OR9Q1: variants seen among roughly 807,000 people sequenced by gnomAD.
The protein encoded by OR9Q1 is olfactory receptor 9Q1.
For synonymous variants in OR9Q1, 153 were observed against 148.6 expected (o/e 1.03, Z -0.22); for missense variants, 374 against 378.8 (o/e 0.99, Z 0.11).
At chr11:58,026,440 G>A (rs1412297772) in intron 1 of OR9Q1, among the ~76,000 whole-genome samples, 1 of 152,050 alleles carries the variant, frequency 6.6e-6, no homozygotes, top group African/African-American at 2.4e-5. Flanking sequence ...CCAGCACTGT[G>A]GGAGGTCGAG....
Position 58,056,984 on chromosome 11 carries a change from C to T in OR9Q1, c.-15+1037C>T, listed in dbSNP as rs1289278220. Among the ~76,000 whole-genome samples, 4 of 125,228 alleles carry T rather than the reference C, an allele frequency of 3.2e-5. No homozygotes were observed. The South Asian group carries it at 1.0e-3, about 32-fold the overall frequency. The allele number at this position is 125,228 out of a possible 152,430, so 82.2% of individuals were successfully genotyped here. ...CTAAGGCTTCCATGGTTATACAATT[C>T]AGGTTTTTTTTTTTTTTTTTTTTTT... is the stretch of plus-strand genomic sequence containing the variant. On this transcript the variant is annotated intron_variant, in intron 2 of 2. Coordinates refer to ENST00000335397, the MANE Select transcript of OR9Q1 (RefSeq NM_001005212.4).
intron 2 of OR9Q1, among the ~76,000 whole-genome samples, chr11:58,062,882 G>T (rs1262628441): frequency 6.6e-6 from 1 of 152,142 alleles, no homozygotes. Context: ...GAGGCTTGAG[G>T]CTGCGTTGTT....
At chr11:58,135,136 C>T (rs1854177916) in intron 2 of OR9Q1, among the ~76,000 whole-genome samples, 1 of 152,184 alleles carries the variant, frequency 6.6e-6, no homozygotes, top group Non-Finnish European at 1.5e-5. Flanking sequence ...ATTGACCCTG[C>T]TGTGATAGAG....
intron 2 of OR9Q1, among the ~76,000 whole-genome samples, chr11:58,096,310 A>G (rs1007610764): frequency 6.6e-6 from 1 of 152,168 alleles, no homozygotes; most frequent in African/African-American, 2.4e-5. Flanking sequence ...TATCACCACC[A>G]CACAGATCAA....
intron 2 of OR9Q1, among the ~76,000 whole-genome samples, chr11:58,112,342 ATTACT>A (rs1187757038): frequency 6.6e-6 from 1 of 152,166 alleles, no homozygotes. Context: ...CGCTTAGAAG[ATTACT>A]TTAAGTGATT....
At chr11:58,029,999 G>A (rs10792126) in intron 1 of OR9Q1, among the ~76,000 whole-genome samples, 39,579 of 151,810 alleles carry the variant, frequency 0.26, 5,711 homozygotes, top group East Asian at 0.6. Context: ...CCACCACCAC[G>A]CTGGGCTAAC....
intron 2 of OR9Q1, among the ~76,000 whole-genome samples, chr11:58,069,666 G>T (rs912036877): frequency 6.6e-6 from 1 of 152,098 alleles, no homozygotes; most frequent in Non-Finnish European, 1.5e-5. Context: ...TTGAGCCCAG[G>T]AGTTTGAGAC....
chr11:58,066,974 G>A (rs746509085), intron 2 of OR9Q1, among the ~76,000 whole-genome samples: 1 of 152,158 alleles, frequency 6.6e-6, no homozygotes, highest in Non-Finnish European at 1.5e-5. Context: ...TCCACAGTGG[G>A]GCACAGGCTA....
At chr11:58,135,017 A>G (rs1416895656) in intron 2 of OR9Q1, among the ~76,000 whole-genome samples, 3 of 152,158 alleles carry the variant, frequency 2.0e-5, no homozygotes, top group Non-Finnish European at 2.9e-5. Flanking sequence ...TGAACACTCA[A>G]TATGTCACCT....
At chr11:58,024,931 C>T (rs1407614860) in intron 1 of OR9Q1, among the ~76,000 whole-genome samples, 1 of 152,076 alleles carries the variant, frequency 6.6e-6, no homozygotes, top group Non-Finnish European at 1.5e-5. Context: ...GAAAATGGCA[C>T]GGTGTGGAGG....
chr11:58,159,107 T>A (rs181221354), intron 2 of OR9Q1, among the ~76,000 whole-genome samples: 4 of 152,282 alleles, frequency 2.6e-5, no homozygotes, highest in Admixed American at 2.6e-4. Flanking sequence ...AAATCAGATG[T>A]ATCAGGACTA....
chr11:58,139,431 C>A (rs552515430), intron 2 of OR9Q1, among the ~76,000 whole-genome samples: 4 of 152,094 alleles, frequency 2.6e-5, no homozygotes, highest in Admixed American at 2.0e-4. Context: ...TATCCCTCCC[C>A]GCTCCCCCCA....
rs1383243887 is a variant in OR9Q1, at chr11:58,133,385, A to C, written c.-14-46046A>C. Among the ~76,000 whole-genome samples the C allele has an allele frequency of 3.0e-4, 45 of 152,200 alleles. 1 individual carries two copies. Among genetic ancestry groups the C allele is most frequent in the Admixed American group, 2.9e-3 (45 of 15,272 alleles). On this transcript the variant is annotated intron_variant, in intron 2 of 2. Transcript: ENST00000335397. Reference sequence around the variant, plus strand: ...GCATAAGGGGAGATGGTGTAACCAGAGTCCAGGCTCTCTGTGCCACAGACA... The same window carrying C: ...GCATAAGGGGAGATGGTGTAACCAGCGTCCAGGCTCTCTGTGCCACAGACA...
intron 2 of OR9Q1, among the ~76,000 whole-genome samples, chr11:58,128,528 T>C (rs1222799080): frequency 6.6e-6 from 1 of 152,152 alleles, no homozygotes; most frequent in Admixed American, 6.5e-5. Context: ...GTTTGAACAG[T>C]ATCTCACAGC....
chr11:58,092,206 T>C (rs533828018), intron 2 of OR9Q1, among the ~76,000 whole-genome samples: 20 of 152,178 alleles, frequency 1.3e-4, no homozygotes, highest in Non-Finnish European at 2.1e-4. Context: ...GCTGGTTATT[T>C]TGCACATTAG....
intron 2 of OR9Q1, among the ~76,000 whole-genome samples, chr11:58,175,105 CAAA>C (rs57623932): frequency 8.1e-4 from 56 of 69,288 alleles, no homozygotes; most frequent in Non-Finnish European, 1.1e-3. Flanking sequence ...GACTCTGTCT[CAAA>C]AAAAAAAAAA....
intron 2 of OR9Q1, among the ~76,000 whole-genome samples, chr11:58,084,970 G>C (rs1853620914): frequency 6.6e-6 from 1 of 151,668 alleles, no homozygotes; most frequent in Non-Finnish European, 1.5e-5. Flanking sequence ...AGAGGTAAAA[G>C]GCATCCAAAC....
At chr11:58,134,165 T>C (rs964768029) in intron 2 of OR9Q1, among the ~76,000 whole-genome samples, 2 of 152,194 alleles carry the variant, frequency 1.3e-5, no homozygotes, top group African/African-American at 4.8e-5. Flanking sequence ...CAAGGCTTGT[T>C]CTACCTAGGA....
chr11:58,136,949 T>G (rs1391618676), intron 2 of OR9Q1, among the ~76,000 whole-genome samples: 1 of 152,192 alleles, frequency 6.6e-6, no homozygotes, highest in Non-Finnish European at 1.5e-5. Context: ...CGCTTGAGCA[T>G]CTGCCTTTTT....
Sources: allele counts gnomAD v4.1 joint callset (sites outside exome capture counted in the v4.1 genomes callset), GRCh38; gene constraint gnomAD v4.1.1; transcripts MANE v1.5; gene names NCBI Gene and HGNC (gene_info 2026-07-23, HGNC 2026-07-21).